Variants in LMO7 observed in about 807,000 individuals in gnomAD.
LMO7 encodes LIM domain 7, also known as LIM domain only protein 7.
A neutral mutation model predicts 206.5 loss-of-function variants in LMO7; 120 were observed. The observed-to-expected ratio is 0.58, with a 90% CI of 0.50 to 0.68. The LOEUF (loss-of-function observed/expected upper bound fraction) is 0.68, where lower values mean the gene tolerates loss of function less well. Ranked by LOEUF, LMO7 falls within the 30% of genes least tolerant of loss-of-function variation. LMO7 has a pLI of 0.00. For missense variants in LMO7, 1,959 were observed against 1,957.9 expected (o/e 1.00, Z -0.01); for synonymous variants, 706 against 681.5 (o/e 1.04, Z -0.56).
intron 4 of LMO7, among the ~76,000 whole-genome samples, chr13:75,781,980 T>C (rs1197423436): frequency 6.6e-6 from 1 of 152,200 alleles, no homozygotes; most frequent in African/African-American, 2.4e-5. Context: ...GGTTGTTTGT[T>C]TTTTTCTTGT....
chr13:75,709,476 T>G (rs1349027266), intron 1 of LMO7, among the ~76,000 whole-genome samples: 2 of 151,818 alleles, frequency 1.3e-5, no homozygotes, highest in African/African-American at 2.4e-5. Context: ...CCTGACTTTT[T>G]AATGATTGCC....
intron 1 of LMO7, among the ~76,000 whole-genome samples, chr13:75,652,661 T>G (rs1332004682): frequency 1.3e-4 from 18 of 135,656 alleles, no homozygotes; most frequent in South Asian, 4.8e-4. Context: ...GTGTGTGTAT[T>G]TATTTTTAGG....
At chr13:75,737,635 C>T (rs61958150) in intron 3 of LMO7, among the ~76,000 whole-genome samples, 14,421 of 144,320 alleles carry the variant, frequency 0.1, 1,056 homozygotes, top group East Asian at 0.29. Context: ...CGCCTGTAGT[C>T]CCAGCTACTC....
At chr13:75,843,423 T>C (rs2059709814) in intron 25 of LMO7, among the ~76,000 whole-genome samples, 1 of 152,202 alleles carries the variant, frequency 6.6e-6, no homozygotes, top group Non-Finnish European at 1.5e-5. Flanking sequence ...ACTGCCTCTT[T>C]ATGGTAGGAA....
intron 1 of LMO7, among the ~76,000 whole-genome samples, chr13:75,686,319 T>C (rs1232736395): frequency 1.3e-5 from 2 of 152,134 alleles, no homozygotes; most frequent in African/African-American, 4.8e-5. Flanking sequence ...AGAGAACTCA[T>C]GCAGGGGAAC....
intron 2 of LMO7, among the ~76,000 whole-genome samples, chr13:75,625,427 ATGTGTGTG>A (rs59334649): frequency 0.014 from 1,408 of 103,622 alleles, 21 homozygotes; most frequent in African/African-American, 0.05. Context: ...GTGTGTGTGC[ATGTGTGTG>A]TGTGTGTGTG....
intron 1 of LMO7, among the ~76,000 whole-genome samples, chr13:75,676,818 G>T (rs1399488508): frequency 1.3e-5 from 2 of 152,158 alleles, no homozygotes; most frequent in Non-Finnish European, 2.9e-5. Context: ...GTAGTATACG[G>T]TGGCAGTTCT....
chr13:75,805,978 G>T, intron 9 of LMO7: 1 of 1,111,460 alleles, frequency 9.0e-7, no homozygotes, highest in Non-Finnish European at 1.2e-6. Context: ...TCATAGCACG[G>T]CATTATTTTT....
rs764124391 is a variant in LMO7, at chr13:75,834,403, C to T, written c.3226+16C>T. 6 of 1,547,470 alleles carry T rather than the reference C, an allele frequency of 3.9e-6. No individual in the cohort carries two copies. The African/African-American group carries it at 5.5e-5, about 14-fold the overall frequency. The stretch of plus-strand genomic sequence containing the variant: ...GGAAAGGCTGGTGAGTTTGTGTTAC[C>T]ACCATGTCTGGCATTTGAAACTGGG... On this transcript the variant is annotated intron_variant, in intron 17 of 30. Transcript: ENST00000377534.
intron 27 of LMO7, among the ~76,000 whole-genome samples, chr13:75,851,459 G>A (rs576894196): frequency 2.1e-4 from 32 of 152,288 alleles, no homozygotes; most frequent in African/African-American, 6.0e-4. Flanking sequence ...TGCGGGTTAG[G>A]GCAGGTGAGT....
At chr13:75,637,436 C>T (rs1422705462) in intron 1 of LMO7, among the ~76,000 whole-genome samples, 1 of 152,178 alleles carries the variant, frequency 6.6e-6, no homozygotes, top group East Asian at 1.9e-4. Flanking sequence ...CGGGTCTCTT[C>T]ATTAACGCCT....
At chr13:75,694,952 C>G (rs188373722) in intron 1 of LMO7, among the ~76,000 whole-genome samples, 99 of 152,196 alleles carry the variant, frequency 6.5e-4, no homozygotes, top group African/African-American at 2.3e-3. Flanking sequence ...TTCACAGTTT[C>G]GAGGGTGAAG....
intron 1 of LMO7, among the ~76,000 whole-genome samples, chr13:75,703,476 G>A (rs182318300): frequency 7.8e-4 from 119 of 152,276 alleles, no homozygotes; most frequent in African/African-American, 2.8e-3. Flanking sequence ...ACTGGTCTAG[G>A]TCTCAAGTCC....
At chr13:75,749,349 T>A (rs4885346) in intron 3 of LMO7, among the ~76,000 whole-genome samples, 35,997 of 152,152 alleles carry the variant, frequency 0.24, 4,850 homozygotes, top group East Asian at 0.46. Flanking sequence ...TGGAACATGG[T>A]TAACTTGAGA....
chr13:75,839,318 G>A (rs1566588737), intron 20 of LMO7, among the ~76,000 whole-genome samples: 1 of 152,118 alleles, frequency 6.6e-6, no homozygotes, highest in Non-Finnish European at 1.5e-5. Flanking sequence ...CTAGGGAAGA[G>A]TATTTTTCTA....
rs10559208 is a variant in LMO7, at chr13:75,801,959, CCTCTCT to C, written c.661+1084_661+1089del. Among the ~76,000 whole-genome samples the C allele has an allele frequency of 3.8e-4, 57 of 151,594 alleles. No homozygotes were observed. In the East Asian group the frequency reaches 0.01, roughly 27 times the overall value. ...CTTTATCTTATACTCATCTCTCTCT[CCTCTCT>C]CTCTCTTTCTCTTTCTCCCTCCCTC... On this transcript the variant is annotated intron_variant, in intron 7 of 30. Transcript: ENST00000377534.
intron 1 of LMO7, among the ~76,000 whole-genome samples, chr13:75,685,895 T>C (rs1245778032): frequency 1.4e-5 from 2 of 142,954 alleles, no homozygotes; most frequent in African/African-American, 2.6e-5. Context: ...TTTCTCTTTT[T>C]TTTTTTTTTT....
chr13:75,805,112 T>C (rs2055271164), intron 8 of LMO7: 1 of 1,032,914 alleles, frequency 9.7e-7, no homozygotes, highest in Non-Finnish European at 1.2e-6. Flanking sequence ...TATTTTCTCC[T>C]GCTGATATGT....
At chr13:75,669,309 C>T (rs1043256171) in intron 1 of LMO7, among the ~76,000 whole-genome samples, 3 of 152,066 alleles carry the variant, frequency 2.0e-5, no homozygotes, top group Non-Finnish European at 2.9e-5. Flanking sequence ...TTCCAGAAAA[C>T]GTTGTGACCT....
Sources: gnomAD v4.1 joint callset for allele counts (sites outside exome capture counted in the v4.1 genomes callset) on GRCh38, gnomAD v4.1.1 for gene constraint, MANE v1.5 for transcripts, NCBI Gene and HGNC (gene_info 2026-07-23, HGNC 2026-07-21) for gene names.